The following KIRREL1 variants were observed in gnomAD, a reference collection of about 807,000 sequenced individuals.
KIRREL1 encodes the protein kirre like nephrin family adhesion molecule 1, also known as kin of IRRE-like protein 1.
A neutral mutation model predicts 83.3 loss-of-function variants in KIRREL1; 25 were observed. The observed-to-expected ratio is 0.30, with a 90% CI of 0.22 to 0.42. The LOEUF (loss-of-function observed/expected upper bound fraction) is 0.42, where lower values mean the gene tolerates loss of function less well. KIRREL1 is among the 10% of genes least tolerant of loss of function. The probability of loss-of-function intolerance (pLI) is 1.00; values close to 1 mark genes in which losing one functional copy is unlikely to be tolerated. For missense variants in KIRREL1, 812 were observed against 1,032.3 expected, an observed-to-expected ratio of 0.79 and a Z score of 2.92; for synonymous variants, 388 against 410.4, an observed-to-expected ratio of 0.95 and a Z score of 0.66.
At chr1:158,030,041 G>A (rs945492541) in intron 1 of KIRREL1, among the ~76,000 whole-genome samples, 6 of 152,170 alleles carry the variant, frequency 3.9e-5, no homozygotes, top group African/African-American at 1.4e-4. Flanking sequence ...AAATCCCTGT[G>A]TATAAGGCAG....
rs1298093266 is a variant in KIRREL1 at position 158,093,382 on chromosome 1, G to C, written c.1515G>C (p.Ala505=). 4.3e-6 allele frequency: 7 copies of C among 1,614,222 alleles called. No individual in the cohort carries two copies. Among genetic ancestry groups the C allele is most frequent in the Non-Finnish European group, 5.9e-6 (7 of 1,180,050 alleles). The change falls in exon 12 of 15, where the codon GCG becomes GCC. Residue 505 remains alanine (A), a synonymous_variant. Transcript: ENST00000359209. Reference sequence around the variant, plus strand: ...TCATAGCTGGGGCCACCATCGGCGCGAGCATCCTGCTCATCTTCTTCTTCA... The same window carrying C: ...TCATAGCTGGGGCCACCATCGGCGCCAGCATCCTGCTCATCTTCTTCTTCA... ...VGIIAGATIG[A]SILLIFFFIA... is the part of the protein sequence containing the mutation.
At chr1:157,999,442 T>C (rs1365035529) in intron 1 of KIRREL1, among the ~76,000 whole-genome samples, 5 of 152,150 alleles carry the variant, frequency 3.3e-5, no homozygotes, top group Non-Finnish European at 7.3e-5. Flanking sequence ...AGGAGAGTTG[T>C]TTCTCCATTT....
intron 1 of KIRREL1, among the ~76,000 whole-genome samples, chr1:158,023,819 A>G (rs1376853799): frequency 6.6e-6 from 1 of 152,196 alleles, no homozygotes; most frequent in Non-Finnish European, 1.5e-5. Flanking sequence ...AACTGTTTGG[A>G]AAGTGGAAAG....
intron 1 of KIRREL1, among the ~76,000 whole-genome samples, chr1:158,051,716 C>T (rs1185604939): frequency 1.3e-5 from 2 of 152,160 alleles, no homozygotes; most frequent in African/African-American, 4.8e-5. Context: ...CAGTGGGTCC[C>T]CATCATCTAC....
At chr1:158,069,982 A>T (rs1250358001) in intron 1 of KIRREL1, among the ~76,000 whole-genome samples, 1 of 152,164 alleles carries the variant, frequency 6.6e-6, no homozygotes, top group East Asian at 1.9e-4. Context: ...ACCTCTCTGG[A>T]TGCTGTTGAC....
intron 1 of KIRREL1, among the ~76,000 whole-genome samples, chr1:158,029,925 G>A (rs4971184): frequency 0.83 from 125,717 of 152,190 alleles, 53,031 homozygotes; most frequent in Non-Finnish European, 0.91. Context: ...GGTAATGTAC[G>A]TAGTACAAAA....
intron 1 of KIRREL1, among the ~76,000 whole-genome samples, chr1:158,028,139 TG>T (rs1308181388): frequency 1.3e-5 from 2 of 152,204 alleles, no homozygotes; most frequent in Non-Finnish European, 2.9e-5. Context: ...CCACTGTCTC[TG>T]CCGGAATGCC....
chr1:158,009,022 TA>T (rs1424591067), intron 1 of KIRREL1, among the ~76,000 whole-genome samples: 7 of 152,102 alleles, frequency 4.6e-5, no homozygotes, highest in Non-Finnish European at 1.0e-4. Context: ...ATCCCAGAGA[TA>T]AACAGAAAGG....
At chr1:158,064,291 T>C (rs1415118793) in intron 1 of KIRREL1, among the ~76,000 whole-genome samples, 1 of 152,254 alleles carries the variant, frequency 6.6e-6, no homozygotes, top group Non-Finnish European at 1.5e-5. Flanking sequence ...CATGGTTAAC[T>C]GCCATGGGGA....
In KIRREL1 at chr1:158,094,087, A is replaced by G. The variant is rs1447167279; in HGVS notation, c.1720-226A>G. On this transcript the variant is annotated intron_variant, in intron 13 of 14. Coordinates refer to ENST00000359209, the MANE Select transcript of KIRREL1 (RefSeq NM_018240.7). This position sits in a 1 kb window ranked among gnomAD's most constrained non-coding sequence, Gnocchi z 4.6. ...GCCCTGGAGAGGGGCAGTGACATAT[A>G]CAAGGTCACATTACATGTTAGCAAC... 6.6e-6 allele frequency among the ~76,000 whole-genome samples: 1 copy of G among 152,212 alleles called. No individual in the cohort carries two copies. The highest frequency in any genetic ancestry group is 1.5e-5 in the Non-Finnish European group (1 of 68,032).
intron 1 of KIRREL1, among the ~76,000 whole-genome samples, chr1:158,054,499 AT>A (rs1660998899): frequency 6.6e-6 from 1 of 152,034 alleles, no homozygotes; most frequent in African/African-American, 2.4e-5. Context: ...TTGTAAGGAC[AT>A]TTTCTCAAAA....
intron 1 of KIRREL1, among the ~76,000 whole-genome samples, chr1:158,023,743 A>G (rs1033882183): frequency 2.6e-5 from 4 of 152,236 alleles, no homozygotes; most frequent in Non-Finnish European, 4.4e-5. Context: ...ATAATTTCTT[A>G]GATCTCTTCC....
chr1:158,088,414 C>T lies in KIRREL1; in HGVS notation c.1004C>T (p.Pro335Leu). ...CTTACCTGTGTCTGGGTTGGGAATC[C>T]CCCCCTCACTCTCACCTGGACCAAA... ...VTLTCVWVGN[P>L]PLTLTWTKKD... Residue 335 changes from proline to leucine, a missense_variant, in exon 8 of 15, where the codon CCC (proline) becomes CTC (leucine). By Grantham distance (98) the Pro-to-Leu change is moderately conservative. Coordinates refer to ENST00000359209, the MANE Select transcript of KIRREL1 (RefSeq NM_018240.7). 1 of 1,520,526 alleles carries T rather than the reference C, an allele frequency of 6.6e-7. No individual in the cohort carries two copies. The highest frequency in any genetic ancestry group is 9.1e-7 in the Non-Finnish European group (1 of 1,095,578). 94.2% of individuals were successfully genotyped at this position (1,520,526 alleles called of 1,614,324 possible). A position where few individuals can be genotyped will look rare whatever the true frequency, so the allele number is the denominator to read the frequency against.
At chr1:158,032,390 G>A (rs1660352181) in intron 1 of KIRREL1, among the ~76,000 whole-genome samples, 1 of 152,168 alleles carries the variant, frequency 6.6e-6, no homozygotes, top group Non-Finnish European at 1.5e-5. Flanking sequence ...TGAAGGCAGG[G>A]CTGACTTTCC....
chr1:158,044,686 A>G (rs1285084369), intron 1 of KIRREL1, among the ~76,000 whole-genome samples: 4 of 152,066 alleles, frequency 2.6e-5, no homozygotes, highest in Non-Finnish European at 5.9e-5. Context: ...TTTAGTAGAG[A>G]TGGGGTTTAG....
chr1:158,047,072 A>G (rs1660797745), intron 1 of KIRREL1, among the ~76,000 whole-genome samples: 1 of 152,202 alleles, frequency 6.6e-6, no homozygotes, highest in Non-Finnish European at 1.5e-5. Flanking sequence ...TGCTTAAAGG[A>G]GTGTCATATG....
At chr1:158,059,674 G>T (rs1382326037) in intron 1 of KIRREL1, among the ~76,000 whole-genome samples, 1 of 152,174 alleles carries the variant, frequency 6.6e-6, no homozygotes, top group African/African-American at 2.4e-5. Flanking sequence ...CTAGTGCTCA[G>T]TATGAGCATC....
chr1:158,073,596 A>G (rs1661581992), intron 1 of KIRREL1, among the ~76,000 whole-genome samples: 1 of 152,186 alleles, frequency 6.6e-6, no homozygotes, highest in Non-Finnish European at 1.5e-5. Context: ...GGCAATATAT[A>G]AACCACAGTC....
rs1485235694 is a variant in KIRREL1, at chr1:157,995,386, G to A, written c.52+1658G>A. 3.9e-5 allele frequency among the ~76,000 whole-genome samples: 6 copies of A among 152,126 alleles called. No homozygotes were observed. In the East Asian group the frequency reaches 5.8e-4, roughly 15 times the overall value. On this transcript the variant is annotated intron_variant, in intron 1 of 14. Coordinates refer to ENST00000359209, the MANE Select transcript of KIRREL1 (RefSeq NM_018240.7). ...GGAGGCCTGGCCCTGGGGTTGGCAG[G>A]CCAGGCCAGCCACTTGGCAGAAAGT...
Sources: allele counts gnomAD v4.1 joint callset (sites outside exome capture counted in the v4.1 genomes callset), GRCh38; gene constraint gnomAD v4.1.1; non-coding constraint Gnocchi (gnomAD v3.1); transcripts MANE v1.5; gene names NCBI Gene and HGNC (gene_info 2026-07-23, HGNC 2026-07-21).